Variants in MCC observed in about 807,000 individuals in gnomAD.
MCC encodes MCC regulator of Wnt signaling pathway.
MCC carries 90 observed loss-of-function variants against 116.2 expected under a neutral mutation model. The observed-to-expected ratio is 0.77, with a 90% CI of 0.65 to 0.92. The LOEUF (loss-of-function observed/expected upper bound fraction) is 0.92, where lower values mean the gene tolerates loss of function less well. Ranked by LOEUF, MCC falls within the 40% of genes least tolerant of loss-of-function variation. The pLI, the probability that MCC is intolerant of heterozygous loss-of-function variation, is 0.00. For missense variants in MCC, 1,516 were observed against 1,312.2 expected, an observed-to-expected ratio of 1.16 and a Z score of -2.40; for synonymous variants, 578 against 510.5, an observed-to-expected ratio of 1.13 and a Z score of -1.78.
In MCC at chr5:113,049,278, C is replaced by A. The variant is rs760304494; in HGVS notation, c.2470G>T (p.Ala824Ser). ...AMKEEMAELK[A>S]QLYLLEKEKK... ...TCTTTCTCCAGTAGGTAGAGCTGGG[C>A]CTTCAACTCGGCCATCTCCTCCTAC... Residue 824 changes from alanine to serine, a missense_variant, in exon 16 of 19, where the codon GCC becomes TCC. Ala to Ser is a moderately conservative substitution (Grantham distance 99). Coordinates refer to ENST00000408903, the MANE Select transcript of MCC (RefSeq NM_001085377.2). 19 of 1,604,100 alleles carry A rather than the reference C, an allele frequency of 1.2e-5. No individual in the cohort carries two copies. In the South Asian group the frequency reaches 1.9e-4, roughly 16 times the overall value.
At chr5:113,448,933 G>A (rs1771301751) in intron 1 of MCC, among the ~76,000 whole-genome samples, 1 of 152,168 alleles carries the variant, frequency 6.6e-6, no homozygotes, top group Non-Finnish European at 1.5e-5. Context: ...TTGAAATGTG[G>A]ATTAAATTTT....
chr5:113,415,504 T>C (rs1580348347), intron 1 of MCC, among the ~76,000 whole-genome samples: 1 of 152,236 alleles, frequency 6.6e-6, no homozygotes, highest in Non-Finnish European at 1.5e-5. Context: ...CTTCTTGCTT[T>C]ATTTCATTAA....
intron 3 of MCC, among the ~76,000 whole-genome samples, chr5:113,306,027 G>A (rs773523151): frequency 5.3e-5 from 8 of 151,948 alleles, no homozygotes; most frequent in Non-Finnish European, 8.8e-5. Flanking sequence ...CTTTGTATAC[G>A]GCTTCTTTCA....
chr5:113,060,784 G>A (rs1753161276), intron 14 of MCC, among the ~76,000 whole-genome samples: 1 of 152,142 alleles, frequency 6.6e-6, no homozygotes, highest in Non-Finnish European at 1.5e-5. Flanking sequence ...ATGCTGTCAT[G>A]TCAAGGATGT....
chr5:113,195,591 T>C (rs1421033225), intron 3 of MCC, among the ~76,000 whole-genome samples: 1 of 152,108 alleles, frequency 6.6e-6, no homozygotes, highest in Non-Finnish European at 1.5e-5. Context: ...GACACAGCCA[T>C]GGGCCTGAGA....
At chr5:113,080,735 T>C (rs566771272) in intron 11 of MCC, among the ~76,000 whole-genome samples, 7 of 150,326 alleles carry the variant, frequency 4.7e-5, no homozygotes, top group Admixed American at 1.3e-4. Flanking sequence ...CACACCAACA[T>C]GGCACATGTA....
intron 1 of MCC, among the ~76,000 whole-genome samples, chr5:113,486,493 AAAGGATAG>A (rs1356828125): frequency 5.9e-5 from 9 of 152,228 alleles, no homozygotes; most frequent in Admixed American, 5.9e-4. Flanking sequence ...CCAAATTAGA[AAAGGATAG>A]CACGCTGCTA....
intron 11 of MCC, among the ~76,000 whole-genome samples, chr5:113,078,700 T>G (rs915260806): frequency 6.6e-6 from 1 of 152,120 alleles, no homozygotes; most frequent in Non-Finnish European, 1.5e-5. Flanking sequence ...ACAGCCAATA[T>G]CATACTGAAT....
chr5:113,341,912 A>ATTTC (rs955271062), intron 2 of MCC, among the ~76,000 whole-genome samples: 31 of 152,040 alleles, frequency 2.0e-4, no homozygotes, highest in African/African-American at 7.2e-4. Flanking sequence ...TTTAGTGGTG[A>ATTTC]TTTCTAAGAC....
chr5:113,104,898 CA>C (rs1756642326), intron 6 of MCC, among the ~76,000 whole-genome samples: 1 of 152,202 alleles, frequency 6.6e-6, no homozygotes. Flanking sequence ...GTTCTTTCAT[CA>C]GGGGGAAAAA....
intron 1 of MCC, among the ~76,000 whole-genome samples, chr5:113,393,078 A>G (rs1769439037): frequency 6.6e-6 from 1 of 152,212 alleles, no homozygotes. Flanking sequence ...AGATTTACAC[A>G]TAGGCAAGTA....
intron 1 of MCC, among the ~76,000 whole-genome samples, chr5:113,392,338 C>T (rs1333185118): frequency 6.6e-6 from 1 of 152,136 alleles, no homozygotes; most frequent in Non-Finnish European, 1.5e-5. Flanking sequence ...AGATTCCTAA[C>T]CTCACTAAGT....
At chr5:113,463,276 G>A (rs963811814) in intron 1 of MCC, among the ~76,000 whole-genome samples, 2 of 152,162 alleles carry the variant, frequency 1.3e-5, no homozygotes, top group Admixed American at 1.3e-4. Flanking sequence ...GTAAGCAGGG[G>A]CAAGGTGAGC....
chr5:113,279,005 G>A (rs369144204), intron 3 of MCC, among the ~76,000 whole-genome samples: 21 of 152,036 alleles, frequency 1.4e-4, no homozygotes, highest in South Asian at 4.1e-4. Context: ...TTTCTATGTC[G>A]TTGGTATATT....
intron 1 of MCC, among the ~76,000 whole-genome samples, chr5:113,392,863 A>G (rs979602148): frequency 6.6e-6 from 1 of 152,188 alleles, no homozygotes; most frequent in Admixed American, 6.6e-5. Flanking sequence ...TCAACAGAAA[A>G]TACGTATATA....
rs1195545525 is a variant in MCC at position 113,065,703 on chromosome 5, G to C, written c.2030-1536C>G. Among the ~76,000 whole-genome samples, 3 of 152,192 alleles carry C rather than the reference G, an allele frequency of 2.0e-5. No individual in the cohort carries two copies. The South Asian group carries it at 6.2e-4, about 31-fold the overall frequency. On this transcript the variant is annotated intron_variant, in intron 13 of 18. Transcript: ENST00000408903. The stretch of plus-strand genomic sequence containing the variant: ...GAATGAATGCCTGTGACATCAACAA[G>C]AAACAAAGAAAAGACCCACAATCAT...
At chr5:113,474,576 T>C (rs895186784) in intron 1 of MCC, among the ~76,000 whole-genome samples, 6 of 152,182 alleles carry the variant, frequency 3.9e-5, no homozygotes, top group African/African-American at 7.2e-5. Context: ...AACAGGCAAC[T>C]GTTGAAGGAT....
chr5:113,455,004 G>A (rs1038922824), intron 1 of MCC, among the ~76,000 whole-genome samples: 12 of 152,030 alleles, frequency 7.9e-5, no homozygotes, highest in Admixed American at 4.6e-4. Flanking sequence ...CAGGCTCCAG[G>A]GTAAAATCCA....
chr5:113,323,654 A>G (rs1487268457), intron 3 of MCC, among the ~76,000 whole-genome samples: 1 of 152,228 alleles, frequency 6.6e-6, no homozygotes, highest in African/African-American at 2.4e-5. Flanking sequence ...TGAAAAGTTT[A>G]AATTATATTC....
Sources: allele counts gnomAD v4.1 joint callset (sites outside exome capture counted in the v4.1 genomes callset), GRCh38; gene constraint gnomAD v4.1.1; transcripts MANE v1.5; gene names NCBI Gene and HGNC (gene_info 2026-07-23, HGNC 2026-07-21).